The following ATP9B variants were observed in gnomAD, a reference collection of about 807,000 sequenced individuals.
ATP9B encodes ATPase phospholipid transporting 9B.
In ATP9B, 110 loss-of-function variants were observed where a neutral mutation model predicts 146.1. That is an observed-to-expected ratio of 0.75 (90% confidence interval 0.65 to 0.88). The LOEUF is 0.88. ATP9B is among the 40% of genes least tolerant of loss of function. ATP9B has a pLI of 0.00. For synonymous variants in ATP9B, 604 were observed against 569.7 expected, an observed-to-expected ratio of 1.06 and a Z score of -0.86; for missense variants, 1,499 against 1,496.4, an observed-to-expected ratio of 1.00 and a Z score of -0.03.
chr18:79,120,037 G>A (rs1391219488), intron 4 of ATP9B, among the ~76,000 whole-genome samples: 1 of 152,150 alleles, frequency 6.6e-6, no homozygotes, highest in Non-Finnish European at 1.5e-5. Flanking sequence ...ATGCAAATTT[G>A]AAAATATGTA....
At chr18:79,095,245 C>T (rs1333602421) in intron 1 of ATP9B, among the ~76,000 whole-genome samples, 2 of 152,184 alleles carry the variant, frequency 1.3e-5, no homozygotes, top group Non-Finnish European at 2.9e-5. Context: ...TGGACTTCTG[C>T]CCCCAACATT....
chr18:79,206,383 G>A (rs2095533828), intron 9 of ATP9B, among the ~76,000 whole-genome samples: 1 of 152,212 alleles, frequency 6.6e-6, no homozygotes, highest in Non-Finnish European at 1.5e-5. Context: ...CTTCACAAGA[G>A]ATAGAGAGAG....
chr18:79,273,111 T>C (rs2096273045), intron 12 of ATP9B, among the ~76,000 whole-genome samples: 1 of 152,162 alleles, frequency 6.6e-6, no homozygotes, highest in South Asian at 2.1e-4. Flanking sequence ...TGAGGAAGAG[T>C]ACATGTGCGT....
intron 1 of ATP9B, among the ~76,000 whole-genome samples, chr18:79,083,803 G>A (rs146969394): frequency 4.0e-5 from 6 of 151,794 alleles, no homozygotes; most frequent in African/African-American, 7.3e-5. Context: ...GAAATAACTC[G>A]CCTTTTGCCT....
chr18:79,317,636 G>A (rs1399216049), intron 15 of ATP9B, among the ~76,000 whole-genome samples: 2 of 152,184 alleles, frequency 1.3e-5, no homozygotes, highest in Non-Finnish European at 2.9e-5. Context: ...GTCAATGGGA[G>A]TAAATTACTC....
At chr18:79,190,115 G>A (rs2148110126) in intron 8 of ATP9B, among the ~76,000 whole-genome samples, 1 of 152,236 alleles carries the variant, frequency 6.6e-6, no homozygotes, top group South Asian at 2.1e-4. Flanking sequence ...GTGCAGTTAG[G>A]GTTTGATACT....
intron 9 of ATP9B, among the ~76,000 whole-genome samples, chr18:79,196,130 A>G (rs1194316386): frequency 6.6e-6 from 1 of 152,220 alleles, no homozygotes; most frequent in African/African-American, 2.4e-5. Context: ...ATACGGAGCC[A>G]TACAAGAGCA....
chr18:79,238,334 G>T (rs1218585014), intron 11 of ATP9B, among the ~76,000 whole-genome samples: 1 of 151,938 alleles, frequency 6.6e-6, no homozygotes, highest in Admixed American at 6.5e-5. Flanking sequence ...TCAAGGCTGT[G>T]GGGAGGTCAG....
chr18:79,250,215 A>G (rs73973031), intron 11 of ATP9B, among the ~76,000 whole-genome samples: 3,514 of 152,256 alleles, frequency 0.023, 124 homozygotes, highest in African/African-American at 0.072. Context: ...TCATTTCTGA[A>G]TGTTTTTGTC....
In ATP9B at chr18:79,270,457, A is replaced by C. The variant is rs532523228; in HGVS notation, c.1269-6597A>C. 2.6e-5 allele frequency among the ~76,000 whole-genome samples: 4 copies of C among 152,330 alleles called. No homozygotes were observed. The East Asian group carries it at 7.7e-4, about 29-fold the overall frequency. On this transcript the variant is annotated intron_variant, in intron 12 of 29. Transcript: ENST00000426216. ...CTTGACTTTATCCAATACATATTTA[A>C]ACCTTGATTTCAAATATCAAAGTCA...
chr18:79,344,430 T>G, intron 21 of ATP9B, 76 bp downstream of exon 21: 2 of 1,364,974 alleles, frequency 1.5e-6, no homozygotes, highest in Non-Finnish European at 2.1e-6. Flanking sequence ...GAGTGTCTGT[T>G]TGTCTCTCAG....
In ATP9B at chr18:79,219,303, A is replaced by C. The variant is rs376307643; in HGVS notation, c.1107+5265A>C. On this transcript the variant is annotated intron_variant, in intron 11 of 29. Coordinates refer to ENST00000426216, the MANE Select transcript of ATP9B (RefSeq NM_198531.5). ...GGGTGAGGGAGAGGGAATTCTGAGC[A>C]TATTTACCAGGCAGCCCAGAGCATG... Among the ~76,000 whole-genome samples, 362 of 152,168 alleles carry C rather than the reference A, an allele frequency of 2.4e-3. 2 individuals carry two copies. Among genetic ancestry groups the C allele is most frequent in the South Asian group, 6.2e-3 (30 of 4,818 alleles).
chr18:79,193,267 A>G lies in ATP9B; in HGVS notation c.954+4A>G, dbSNP rs370015727. 2 of 1,595,096 alleles carry G rather than the reference A, an allele frequency of 1.3e-6. No individual in the cohort carries two copies. The highest frequency in any genetic ancestry group is 1.3e-5 in the African/African-American group (1 of 74,496). ...TTTCGAAGGCACATTTACCAGGGTA[A>G]GTTAAACCTGTTGTTCAATACAAAT... On this transcript the variant is annotated splice_donor_region_variant and intron_variant, in intron 9 of 29. Coordinates refer to ENST00000426216, the MANE Select transcript of ATP9B (RefSeq NM_198531.5).
In ATP9B at chr18:79,256,286, T is replaced by TATATATATATATATATATATATATAC. The variant is rs398033647; in HGVS notation, c.1268+2746_1268+2747insTATATATATATATATATATATATACA. On this transcript the variant is annotated intron_variant, in intron 12 of 29. Transcript: ENST00000426216. ...ATATATATATATATATATATATATA[T>TATATATATATATATATATATATATAC]ACATACATAGTGAGGCTATGTTATT... 5.8e-4 allele frequency among the ~76,000 whole-genome samples: 71 copies of TATATATATATATATATATATATATAC among 123,022 alleles called. 2 individuals carry two copies. Among genetic ancestry groups the TATATATATATATATATATATATATAC allele is most frequent in the African/African-American group, 2.1e-3 (66 of 30,760 alleles). 80.7% of individuals were successfully genotyped at this position (123,022 alleles called of 152,430 possible). A position where few individuals can be genotyped will look rare whatever the true frequency, so the allele number is the denominator to read the frequency against.
chr18:79,149,914 C>T (rs1324131650), intron 6 of ATP9B, among the ~76,000 whole-genome samples: 1 of 151,988 alleles, frequency 6.6e-6, no homozygotes, highest in Non-Finnish European at 1.5e-5. Context: ...ATCCCTATCT[C>T]TACTGAAAAT....
intron 1 of ATP9B, among the ~76,000 whole-genome samples, chr18:79,084,734 G>A (rs1038389329): frequency 1.3e-5 from 2 of 152,092 alleles, no homozygotes; most frequent in East Asian, 1.9e-4. Context: ...TTGCTCTTAT[G>A]TATAAATAAT....
At chr18:79,348,067 G>A (rs902345138) in intron 24 of ATP9B, 65 bp from the exon 25 acceptor site, 3 of 1,603,248 alleles carry the variant, frequency 1.9e-6, no homozygotes, top group African/African-American at 1.3e-5. Flanking sequence ...AGGCCCCTGA[G>A]AGGCTTGGGG....
chr18:79,282,648 T>A (rs1599574117), intron 13 of ATP9B, among the ~76,000 whole-genome samples: 1 of 152,240 alleles, frequency 6.6e-6, no homozygotes, highest in East Asian at 1.9e-4. Context: ...CACTTTTCTA[T>A]GAACTGGGAA....
chr18:79,318,614 A>G (rs939508459), intron 15 of ATP9B, among the ~76,000 whole-genome samples: 2 of 152,240 alleles, frequency 1.3e-5, no homozygotes, highest in African/African-American at 4.8e-5. Flanking sequence ...GTCTGAATCA[A>G]GTATGGATTT....
Sources: allele counts gnomAD v4.1 joint callset (sites outside exome capture counted in the v4.1 genomes callset), GRCh38; gene constraint gnomAD v4.1.1; transcripts MANE v1.5; gene names NCBI Gene and HGNC (gene_info 2026-07-23, HGNC 2026-07-21).